The following NRG3 variants were observed in gnomAD, a reference collection of about 807,000 sequenced individuals.
The protein encoded by NRG3 is neuregulin 3.
A neutral mutation model predicts 66.9 loss-of-function variants in NRG3; 31 were observed. The ratio of observed to expected loss-of-function variants is 0.46; its 90% confidence interval spans 0.35 to 0.63. NRG3 has a LOEUF of 0.63. NRG3 is among the 20% of genes least tolerant of loss of function. NRG3 has a pLI of 0.00. For synonymous variants in NRG3, 393 were observed against 359.4 expected, an observed-to-expected ratio of 1.09 and a Z score of -1.06; for missense variants, 910 against 878.9, an observed-to-expected ratio of 1.04 and a Z score of -0.45.
At chr10:82,668,152 T>C (rs1055496857) in intron 2 of NRG3, among the ~76,000 whole-genome samples, 26 of 152,260 alleles carry the variant, frequency 1.7e-4, no homozygotes, top group African/African-American at 5.5e-4. Flanking sequence ...TAACTTTTAT[T>C]TGCCTGTTTG....
intron 1 of NRG3, among the ~76,000 whole-genome samples, chr10:82,193,602 AG>A: frequency 6.6e-6 from 1 of 152,322 alleles, no homozygotes; most frequent in Middle Eastern, 3.4e-3. Flanking sequence ...GATGAAAAGA[AG>A]TGGAGTGATT....
intron 4 of NRG3, among the ~76,000 whole-genome samples, chr10:82,932,246 C>T (rs1432324984): frequency 6.6e-6 from 1 of 152,164 alleles, no homozygotes; most frequent in African/African-American, 2.4e-5. Flanking sequence ...CAATTCTGAC[C>T]TCACCGCTAC....
intron 2 of NRG3, among the ~76,000 whole-genome samples, chr10:82,709,059 C>T (rs997647442): frequency 6.6e-6 from 1 of 152,144 alleles, no homozygotes; most frequent in Admixed American, 6.5e-5. Context: ...CTCATGAAGT[C>T]CCCCTCCATG....
At chr10:82,410,450 CATATATATATATATGT>C (rs1424874913) in intron 2 of NRG3, among the ~76,000 whole-genome samples, 1 of 145,754 alleles carries the variant, frequency 6.9e-6, no homozygotes, top group Non-Finnish European at 1.5e-5. Flanking sequence ...TCCATATATA[CATATATATATATATGT>C]ATATATATAT....
At chr10:82,885,159 A>T (rs1443466855) in intron 4 of NRG3, among the ~76,000 whole-genome samples, 1 of 152,236 alleles carries the variant, frequency 6.6e-6, no homozygotes, top group Non-Finnish European at 1.5e-5. Flanking sequence ...GCCCGTAACT[A>T]CAACTTTTCT....
At chr10:82,244,118 A>T (rs1380995650) in intron 1 of NRG3, among the ~76,000 whole-genome samples, 1 of 152,228 alleles carries the variant, frequency 6.6e-6, no homozygotes, top group Non-Finnish European at 1.5e-5. Flanking sequence ...CATTTTACCT[A>T]AAAGTCTAGA....
chr10:82,227,240 A>T (rs17099652), intron 1 of NRG3, among the ~76,000 whole-genome samples: 1 of 151,896 alleles, frequency 6.6e-6, no homozygotes, highest in Admixed American at 6.6e-5. Flanking sequence ...CTCTTTCCAC[A>T]TACTGGATCT....
chr10:82,735,588 T>A (rs1375178921), intron 2 of NRG3, among the ~76,000 whole-genome samples: 1 of 152,106 alleles, frequency 6.6e-6, no homozygotes, highest in African/African-American at 2.4e-5. Flanking sequence ...TAAAAAAGAA[T>A]AAGTTCGTGT....
At chr10:82,380,267 A>ATT (rs75630576) in intron 2 of NRG3, among the ~76,000 whole-genome samples, 17,474 of 151,812 alleles carry the variant, frequency 0.12, 1,811 homozygotes, top group African/African-American at 0.27. Flanking sequence ...AGCAGATCAG[A>ATT]TTTTTTTTGC....
rs115441426 is a variant in NRG3, at chr10:82,785,976, G to A, written c.1027+47326G>A. On this transcript the variant is annotated intron_variant, in intron 3 of 8. Transcript: ENST00000372141. The stretch of plus-strand genomic sequence containing the variant: ...AATGCAACAGCTGTAGGGCCATGGC[G>A]ATCTACTCCTAAATTTAAATGGATG... Among the ~76,000 whole-genome samples, 365 of 152,246 alleles carry A rather than the reference G, an allele frequency of 2.4e-3. 4 individuals carry two copies. Among genetic ancestry groups the A allele is most frequent in the African/African-American group, 8.3e-3 (346 of 41,546 alleles).
At chr10:82,754,183 A>G (rs982668623) in intron 3 of NRG3, among the ~76,000 whole-genome samples, 11 of 151,950 alleles carry the variant, frequency 7.2e-5, no homozygotes, top group Admixed American at 3.9e-4. Flanking sequence ...ATTCTTATAA[A>G]TGAATGAAAA....
chr10:81,966,424 T>A (rs1289770582), intron 1 of NRG3, among the ~76,000 whole-genome samples: 2 of 151,978 alleles, frequency 1.3e-5, no homozygotes, highest in African/African-American at 4.8e-5. Flanking sequence ...CAGGGTTAAC[T>A]GGCTCTGTCA....
chr10:82,756,881 G>T (rs1348554423), intron 3 of NRG3, among the ~76,000 whole-genome samples: 1 of 151,470 alleles, frequency 6.6e-6, no homozygotes, highest in Non-Finnish European at 1.5e-5. Flanking sequence ...CTGAACAAAG[G>T]TCATTAATAC....
intron 1 of NRG3, among the ~76,000 whole-genome samples, chr10:82,338,941 T>C (rs535972097): frequency 3.3e-5 from 5 of 152,164 alleles, no homozygotes; most frequent in African/African-American, 1.2e-4. Context: ...AGAGTCCCAA[T>C]GTAGTACCAA....
chr10:82,939,775 T>C (rs886915267), intron 4 of NRG3, among the ~76,000 whole-genome samples: 5 of 151,930 alleles, frequency 3.3e-5, no homozygotes, highest in African/African-American at 9.7e-5. Context: ...CACCTTTCAA[T>C]GTTTTTTTAA....
At chr10:82,473,036 CAT>C (rs1157314237) in intron 2 of NRG3, among the ~76,000 whole-genome samples, 2 of 152,210 alleles carry the variant, frequency 1.3e-5, no homozygotes, top group Non-Finnish European at 2.9e-5. Context: ...AGCCTGCTAA[CAT>C]AACAATATAC....
chr10:82,318,182 G>A (rs2081389236), intron 1 of NRG3, among the ~76,000 whole-genome samples: 1 of 152,012 alleles, frequency 6.6e-6, no homozygotes, highest in Admixed American at 6.6e-5. Flanking sequence ...ATTTCCTCAT[G>A]GGCAAAATTT....
At chr10:82,180,827 T>C (rs759924571) in intron 1 of NRG3, among the ~76,000 whole-genome samples, 83 of 151,892 alleles carry the variant, frequency 5.5e-4, no homozygotes, top group Non-Finnish European at 8.8e-5. Flanking sequence ...CTGTTGTTAA[T>C]TCCTCTTTAA....
At chr10:82,902,584 A>G (rs1375611158) in intron 4 of NRG3, among the ~76,000 whole-genome samples, 2 of 152,144 alleles carry the variant, frequency 1.3e-5, no homozygotes, top group Non-Finnish European at 2.9e-5. Flanking sequence ...TCCAAAGTCA[A>G]CAATCTTCAG....
Sources: gnomAD v4.1 joint callset for allele counts (sites outside exome capture counted in the v4.1 genomes callset) on GRCh38, gnomAD v4.1.1 for gene constraint, MANE v1.5 for transcripts, NCBI Gene and HGNC (gene_info 2026-07-23, HGNC 2026-07-21) for gene names.